TPO: variants seen among roughly 807,000 people sequenced by gnomAD.
The protein encoded by TPO is thyroid peroxidase.
A neutral mutation model predicts 96.9 loss-of-function variants in TPO; 78 were observed. The observed-to-expected ratio is 0.81, with a 90% confidence interval of 0.67 to 0.97. The LOEUF is 0.97. TPO is among the 50% of genes least tolerant of loss of function. The pLI is 0.00. For synonymous variants in TPO, 547 were observed against 538.0 expected (o/e 1.02, Z -0.23); for missense variants, 1,252 against 1,274.8 (o/e 0.98, Z 0.27).
At chr2:1,497,946 A>G (rs1672515882) in intron 13 of TPO, among the ~76,000 whole-genome samples, 1 of 148,238 alleles carries the variant, frequency 6.7e-6, no homozygotes, top group Non-Finnish European at 1.5e-5. Flanking sequence ...CTCTGAGGCC[A>G]GGAGTTCAAG....
At chr2:1,432,373 A>G (rs1185905791) in intron 3 of TPO, among the ~76,000 whole-genome samples, 1 of 152,240 alleles carries the variant, frequency 6.6e-6, no homozygotes, top group East Asian at 1.9e-4. Context: ...CTCAAATGCT[A>G]GTAGGCAAGC....
chr2:1,422,487 A>G (rs1663858981), intron 2 of TPO, among the ~76,000 whole-genome samples: 2 of 142,066 alleles, frequency 1.4e-5, no homozygotes, highest in Non-Finnish European at 3.1e-5. Flanking sequence ...TATTGATGCT[A>G]CGCAGGTGAA....
chr2:1,420,298 T>G (rs1432678610), intron 2 of TPO, among the ~76,000 whole-genome samples: 2 of 152,220 alleles, frequency 1.3e-5, no homozygotes, highest in Non-Finnish European at 2.9e-5. Flanking sequence ...ATAAGCATGT[T>G]TCTTTATATT....
intron 1 of TPO, among the ~76,000 whole-genome samples, chr2:1,375,025 G>A (rs1041033475): frequency 3.3e-5 from 5 of 151,832 alleles, no homozygotes; most frequent in African/African-American, 7.3e-5. Flanking sequence ...CACTGCACCC[G>A]ACCATAGATA....
At chr2:1,448,974 T>C (rs1667081217) in intron 5 of TPO, among the ~76,000 whole-genome samples, 1 of 152,160 alleles carries the variant, frequency 6.6e-6, no homozygotes, top group Non-Finnish European at 1.5e-5. Flanking sequence ...GCATGGACAT[T>C]GTGAGCTGCA....
intron 1 of TPO, among the ~76,000 whole-genome samples, chr2:1,392,318 A>G (rs1231677792): frequency 6.6e-6 from 1 of 152,276 alleles, no homozygotes. Flanking sequence ...ATTGATTTGC[A>G]TATGTTGAAC....
Position 1,433,450 on chromosome 2 carries a change from A to T in TPO, c.192A>T (p.Lys64Asn). ...MYATMQRNLK[K>N]RGILSPAQLL... ...TTATGTGCCATAGAAACCTCAAGAA[A>T]AGAGGAATCCTTTCTCCAGCTCAGC... is the stretch of plus-strand genomic sequence containing the variant. Residue 64 changes from lysine to asparagine, a missense_variant, in exon 4 of 17, where the codon AAA becomes AAT. Coordinates refer to ENST00000329066, the MANE Select transcript of TPO (RefSeq NM_001206744.2). 3 of 1,614,270 alleles carry T rather than the reference A, an allele frequency of 1.9e-6. No individual in the cohort carries two copies. In the Middle Eastern group the frequency reaches 4.9e-4, roughly 266 times the overall value.
rs1458488100 is a variant in TPO, at chr2:1,533,959, C to T, written c.2619-6635C>T. On this transcript the variant is annotated intron_variant, in intron 15 of 16. Transcript: ENST00000329066. The stretch of plus-strand genomic sequence containing the variant: ...CAAATGTATGCAACCTCCTCAAATC[C>T]CCACCACTCTGTGCAACCTCCCCAA... 2.9e-5 allele frequency among the ~76,000 whole-genome samples: 3 copies of T among 103,432 alleles called. 1 individual carries two copies. Among genetic ancestry groups the T allele is most frequent in the Non-Finnish European group, 6.1e-5 (3 of 48,984 alleles). The allele number at this position is 103,432 out of a possible 152,430, so 67.9% of individuals were successfully genotyped here.
chr2:1,492,820 C>T (rs1671901015), intron 10 of TPO, among the ~76,000 whole-genome samples: 2 of 152,218 alleles, frequency 1.3e-5, no homozygotes, highest in East Asian at 1.9e-4. Flanking sequence ...CCACACAGGG[C>T]GGGTGGATGA....
chr2:1,428,584 G>T (rs967173469), intron 3 of TPO, among the ~76,000 whole-genome samples: 1 of 152,152 alleles, frequency 6.6e-6, no homozygotes, highest in Non-Finnish European at 1.5e-5. Context: ...GGCCCAGATT[G>T]TGTTGTCCCA....
intron 2 of TPO, among the ~76,000 whole-genome samples, chr2:1,418,444 G>C (rs1262798128): frequency 6.6e-6 from 1 of 152,146 alleles, no homozygotes; most frequent in East Asian, 1.9e-4. Context: ...AGAGACTCTT[G>C]TTCCAGAGCA....
chr2:1,506,893 A>G (rs1196373065), intron 14 of TPO, among the ~76,000 whole-genome samples: 1 of 151,882 alleles, frequency 6.6e-6, no homozygotes, highest in Non-Finnish European at 1.5e-5. Context: ...GTTTAATTAG[A>G]TCCCATTTGT....
chr2:1,529,298 C>A (rs1195421245), intron 15 of TPO, among the ~76,000 whole-genome samples: 2 of 117,476 alleles, frequency 1.7e-5, no homozygotes, highest in African/African-American at 7.4e-5. Context: ...TGCAACCTCC[C>A]CAAATCCCCC....
At chr2:1,415,424 G>A (rs1236656466) in intron 2 of TPO, among the ~76,000 whole-genome samples, 8 of 139,142 alleles carry the variant, frequency 5.7e-5, no homozygotes, top group Admixed American at 3.6e-4. Context: ...ACAGCTCACC[G>A]GGCAGGTCCC....
upstream of TPO, among the ~76,000 whole-genome samples, chr2:1,409,973 C>T (rs548208994): frequency 1.5e-5 from 1 of 68,572 alleles, no homozygotes; most frequent in Admixed American, 1.7e-4. Context: ...GTGGTGGGGG[C>T]TGGTGCCATG....
At chr2:1,432,546 G>T (rs1245687790) in intron 3 of TPO, among the ~76,000 whole-genome samples, 1 of 136,250 alleles carries the variant, frequency 7.3e-6, no homozygotes, top group Non-Finnish European at 1.6e-5. Flanking sequence ...CAGGTGAGGA[G>T]AGGCCTGCAG....
At chr2:1,379,650 C>T (rs1430524539) in intron 1 of TPO, among the ~76,000 whole-genome samples, 1 of 152,196 alleles carries the variant, frequency 6.6e-6, no homozygotes, top group Non-Finnish European at 1.5e-5. Flanking sequence ...TCCATCTTCC[C>T]TGGCACTTTC....
chr2:1,514,005 C>G (rs112312890), intron 14 of TPO, among the ~76,000 whole-genome samples: 12 of 152,158 alleles, frequency 7.9e-5, no homozygotes, highest in African/African-American at 2.9e-4. Context: ...GCTTCTAGCT[C>G]TATGTACCGA....
intron 13 of TPO, among the ~76,000 whole-genome samples, chr2:1,501,060 TG>T (rs1672826791): frequency 4.6e-5 from 7 of 152,090 alleles, no homozygotes; most frequent in South Asian, 2.1e-4. Context: ...TAAAAAGCTG[TG>T]AGTCAGTGGC....
Sources: gnomAD v4.1 joint callset for allele counts (sites outside exome capture counted in the v4.1 genomes callset) on GRCh38, gnomAD v4.1.1 for gene constraint, MANE v1.5 for transcripts, NCBI Gene and HGNC (gene_info 2026-07-23, HGNC 2026-07-21) for gene names.